Variants in MGAT5B observed in about 807,000 individuals in gnomAD.
MGAT5B encodes the protein alpha-1,6-mannosylglycoprotein 6-beta-N-acetylglucosaminyltransferase B, also known as N-acetylglucosaminyl-transferase Vb.
In MGAT5B, 54 loss-of-function variants were observed where a neutral mutation model predicts 95.1. The ratio of observed to expected loss-of-function variants is 0.57; its 90% CI spans 0.46 to 0.71. The LOEUF (loss-of-function observed/expected upper bound fraction) is 0.71. MGAT5B is among the 30% of genes least tolerant of loss of function. MGAT5B has a pLI of 0.00. For synonymous variants in MGAT5B, 464 were observed against 451.0 expected, an observed-to-expected ratio of 1.03 and a Z score of -0.36; for missense variants, 935 against 1,088.6, an observed-to-expected ratio of 0.86 and a Z score of 1.99.
At chr17:76,883,029 C>T (rs1304795207) in intron 3 of MGAT5B, among the ~76,000 whole-genome samples, 1 of 151,254 alleles carries the variant, frequency 6.6e-6, no homozygotes, top group Non-Finnish European at 1.5e-5. Context: ...TTTTTTGAGA[C>T]ACTCTTACTC....
intron 15 of MGAT5B, among the ~76,000 whole-genome samples, chr17:76,944,934 C>A (rs532854653): frequency 6.6e-6 from 1 of 152,174 alleles, no homozygotes; most frequent in Non-Finnish European, 1.5e-5. Context: ...TGGCTAAAGA[C>A]GGGAAAGCGG....
chr17:76,897,697 C>CTTT lies in MGAT5B; in HGVS notation c.330-4857_330-4855dup, dbSNP rs1430338893. Among the ~76,000 whole-genome samples the CTTT allele has an allele frequency of 2.8e-5, 3 of 108,006 alleles. No homozygotes were observed. The South Asian group carries it at 9.7e-4, about 35-fold the overall frequency. The allele number at this position is 108,006 out of a possible 152,430, so 70.9% of individuals were successfully genotyped here. A position where few individuals can be genotyped will look rare whatever the true frequency, so the allele number is the denominator to read the frequency against. ...TCTTTCTTTCTTTCTTTCTTTCTTTCTTTCTTTCTTTCTTTCTTTCTTTCT... is the reference window on the plus strand; with the variant it reads ...TCTTTCTTTCTTTCTTTCTTTCTTTCTTTTTTCTTTCTTTCTTTCTTTCTTTCT... On this transcript the variant is annotated intron_variant, in intron 3 of 17. Coordinates refer to ENST00000569840, the MANE Select transcript of MGAT5B (RefSeq NM_001199172.2).
Position 76,948,101 on chromosome 17 carries a change from A to ACCCCAC in MGAT5B, c.2180+18_2180+19insCACCCC. The ACCCCAC allele has an allele frequency of 1.3e-6, 1 of 741,326 alleles. No homozygotes were observed. The highest frequency in any genetic ancestry group is 2.1e-6 in the Non-Finnish European group (1 of 469,216). 45.9% of individuals were successfully genotyped at this position (741,326 alleles called of 1,614,324 possible). Reference sequence around the variant, plus strand: ...GCCTTCCTCAAGTGAGTGTTCCCCCACCCTCCCCACCCAGCCGCTATCATC... The same window carrying ACCCCAC: ...GCCTTCCTCAAGTGAGTGTTCCCCCACCCCACCCCTCCCCACCCAGCCGCTATCATC... On this transcript the variant is annotated intron_variant, in intron 17 of 17. Transcript: ENST00000569840.
intron 10 of MGAT5B, among the ~76,000 whole-genome samples, chr17:76,927,621 A>G (rs1282218027): frequency 2.6e-5 from 4 of 152,176 alleles, no homozygotes; most frequent in Non-Finnish European, 5.9e-5. Flanking sequence ...AAACAATTTC[A>G]CCTTTTCTTG....
intron 2 of MGAT5B, among the ~76,000 whole-genome samples, chr17:76,879,591 C>T (rs895346356): frequency 9.2e-5 from 14 of 152,072 alleles, no homozygotes; most frequent in African/African-American, 2.9e-4. Flanking sequence ...CTTTAGGCGG[C>T]CACAATACCA....
At chr17:76,943,421 C>T (rs1428333051) in intron 15 of MGAT5B, among the ~76,000 whole-genome samples, 1 of 152,022 alleles carries the variant, frequency 6.6e-6, no homozygotes, top group Admixed American at 6.6e-5. Context: ...AGCTCAAAAA[C>T]ATTTATGTGC....
At chr17:76,896,621 A>G (rs1002395275) in intron 3 of MGAT5B, among the ~76,000 whole-genome samples, 6 of 152,214 alleles carry the variant, frequency 3.9e-5, no homozygotes, top group African/African-American at 1.4e-4. Context: ...CAGATTTCAC[A>G]GGAGTTAAAG....
Position 76,905,424 on chromosome 17 carries a change from T to G in MGAT5B, c.855+91T>G. The stretch of plus-strand genomic sequence containing the variant: ...GCATGGAATAGGTCTTCAAACAAGC[T>G]GTAGTGGGCTTCTGAATTTGATCAG... On this transcript the variant is annotated intron_variant, in intron 7 of 17. Coordinates refer to ENST00000569840, the MANE Select transcript of MGAT5B (RefSeq NM_001199172.2). The surrounding 1 kb of genome is among the most constrained non-coding windows in gnomAD (Gnocchi z 4.2). 1.7e-6 allele frequency: 2 copies of G among 1,148,732 alleles called. No individual in the cohort carries two copies. The highest frequency in any genetic ancestry group is 3.1e-5 in the African/African-American group (2 of 64,186). 71.2% of individuals were successfully genotyped at this position (1,148,732 alleles called of 1,614,324 possible).
intron 6 of MGAT5B, 127 bp downstream of exon 6, chr17:76,904,549 G>A (rs921550986): frequency 1.2e-5 from 13 of 1,094,782 alleles, no homozygotes; most frequent in African/African-American, 3.2e-5. Context: ...GGGCAGGTCC[G>A]AGCCCACCCT....
intron 12 of MGAT5B, 63 bp downstream of exon 12, chr17:76,933,360 A>G (rs12600695): frequency 0.42 from 660,963 of 1,587,882 alleles, 140,471 homozygotes; most frequent in East Asian, 0.64. Flanking sequence ...TCCAGCAGCC[A>G]CTCCAGGGGT....
chr17:76,939,512 C>CAAAA (rs10668702), intron 13 of MGAT5B, among the ~76,000 whole-genome samples: 77,189 of 151,288 alleles, frequency 0.51, 20,059 homozygotes, highest in African/African-American at 0.56. Context: ...GACTCCGTCT[C>CAAAA]AAAATTTTTT....
chr17:76,895,752 A>G (rs1033015763), intron 3 of MGAT5B, among the ~76,000 whole-genome samples: 5 of 152,156 alleles, frequency 3.3e-5, no homozygotes, highest in Admixed American at 6.5e-5. Context: ...CCTGTTTTCA[A>G]GTAAAGTCAC....
At chr17:76,880,618 T>C (rs1218948937) in intron 2 of MGAT5B, among the ~76,000 whole-genome samples, 1 of 152,158 alleles carries the variant, frequency 6.6e-6, no homozygotes, top group Non-Finnish European at 1.5e-5. Context: ...ACGGGGCCTG[T>C]TATTCTTGCC....
chr17:76,868,836 C>T lies in MGAT5B; in HGVS notation c.-194C>T, dbSNP rs1182001270. The T allele has an allele frequency of 2.9e-6, 1 of 339,432 alleles. No individual in the cohort carries two copies. The highest frequency in any genetic ancestry group is 2.2e-5 in the African/African-American group (1 of 46,000). The allele number at this position is 339,432 out of a possible 1,614,324, so 21.0% of individuals were successfully genotyped here. On this transcript the variant is annotated 5_prime_UTR_variant, in exon 1 of 18. Transcript: ENST00000569840. This position sits in a 1 kb window ranked among gnomAD's most constrained non-coding sequence, Gnocchi z 6.3. ...CGGCCCGGCCGGGCGCCCTCGCCGCCCTCCGGCAGCCGCGCCGCTCCCTCC... is the reference window on the plus strand; with the variant it reads ...CGGCCCGGCCGGGCGCCCTCGCCGCTCTCCGGCAGCCGCGCCGCTCCCTCC...
intron 12 of MGAT5B, among the ~76,000 whole-genome samples, chr17:76,933,847 T>C (rs528946888): frequency 6.6e-6 from 1 of 152,292 alleles, no homozygotes; most frequent in South Asian, 2.1e-4. Context: ...CGGGGTCTTC[T>C]TACCTTGACC....
intron 10 of MGAT5B, among the ~76,000 whole-genome samples, chr17:76,932,007 CCTTCTTT>C (rs1969493316): frequency 6.6e-6 from 1 of 151,782 alleles, no homozygotes; most frequent in Non-Finnish European, 1.5e-5. Flanking sequence ...GGTGCTTCTT[CCTTCTTT>C]CTTCTTCCTC....
At position 76,947,989 on chromosome 17, in the gene MGAT5B, G is replaced by T; in HGVS notation, c.2083G>T (p.Val695Leu). The T allele has an allele frequency of 6.2e-7, 1 of 1,612,126 alleles. No homozygotes were observed. The highest frequency in any genetic ancestry group is 8.5e-7 in the Non-Finnish European group (1 of 1,179,256). The change falls in exon 17 of 18, where the codon GTG becomes TTG. Residue 695 changes from valine (V) to leucine (L), a missense_variant. Val to Leu is a conservative substitution (Grantham distance 32, BLOSUM62 1). Coordinates refer to ENST00000569840, the MANE Select transcript of MGAT5B (RefSeq NM_001199172.2). ...PAHALRAWLAVPGRACTDTCL... is the reference protein window; with the variant it reads ...PAHALRAWLALPGRACTDTCL... ...GCACGCCCTGCGGGCCTGGCTGGCC[G>T]TGCCTGGGAGGGCCTGCACCGACAC...
intron 3 of MGAT5B, among the ~76,000 whole-genome samples, chr17:76,890,421 C>G (rs1967822224): frequency 6.6e-6 from 1 of 152,168 alleles, no homozygotes. Context: ...ATAGGTATAC[C>G]TGTAACTACC....
At chr17:76,872,759 T>C in intron 1 of MGAT5B, 92 bp from the exon 2 acceptor site, 2 of 1,608,180 alleles carry the variant, frequency 1.2e-6, no homozygotes, top group Non-Finnish European at 1.7e-6. Context: ...CATGCACTCA[T>C]TCGTAAAACA....
Sources: gnomAD v4.1 joint callset for allele counts (sites outside exome capture counted in the v4.1 genomes callset) on GRCh38, gnomAD v4.1.1 for gene constraint, Gnocchi (gnomAD v3.1) non-coding constraint, MANE v1.5 for transcripts, NCBI Gene and HGNC (gene_info 2026-07-23, HGNC 2026-07-21) for gene names.